ADGRE3: variants seen among roughly 807,000 people sequenced by gnomAD.
ADGRE3 encodes the protein EGF-like module receptor 3.
Under a neutral mutation model 80.1 loss-of-function variants are expected in ADGRE3, and 88 were observed. The observed-to-expected ratio is 1.10, with a 90% CI of 0.93 to 1.31. ADGRE3 has a LOEUF of 1.31. ADGRE3 is among the 40% of genes most tolerant of loss of function. ADGRE3 has a pLI of 0.00. For missense variants in ADGRE3, 715 were observed against 776.5 expected (o/e 0.92, Z 0.94); for synonymous variants, 281 against 294.8 (o/e 0.95, Z 0.48).
chr19:14,646,409 T>C (rs1971399748), intron 8 of ADGRE3, among the ~76,000 whole-genome samples: 1 of 152,302 alleles, frequency 6.6e-6, no homozygotes, highest in Non-Finnish European at 1.5e-5. Flanking sequence ...CTTTCTTCTT[T>C]TCTTTTTTTG....
rs560100566 is a variant in ADGRE3 at position 14,637,777 on chromosome 19, C to T, written c.1484+328G>A. ...CTCCTGGCCTCAAGTGATCCTCCCA[C>T]GTTGGCCTCCCAAATTGTTGGTATT... On this transcript the variant is annotated intron_variant, in intron 11 of 15. Transcript: ENST00000253673. 5.9e-5 allele frequency among the ~76,000 whole-genome samples: 9 copies of T among 152,044 alleles called. No individual in the cohort carries two copies. The South Asian group carries it at 1.2e-3, about 21-fold the overall frequency.
chr19:14,632,731 G>A (rs1222553738), intron 13 of ADGRE3, among the ~76,000 whole-genome samples, 190 bp downstream of exon 13: 2 of 147,418 alleles, frequency 1.4e-5, no homozygotes, highest in Non-Finnish European at 3.0e-5. Context: ...TTTTTTTTGA[G>A]ATTTTTTCTT....
chr19:14,617,340 CCCTT>C (rs1174085094), downstream of ADGRE3, among the ~76,000 whole-genome samples: 2 of 31,072 alleles, frequency 6.4e-5, no homozygotes, highest in African/African-American at 1.4e-4. Context: ...CTCCCTCCCT[CCCTT>C]TCTTTCTTTC....
chr19:14,617,490 T>C (rs111690269), downstream of ADGRE3, among the ~76,000 whole-genome samples: 14,917 of 150,898 alleles, frequency 0.099, 785 homozygotes, highest in African/African-American at 0.13. Context: ...CTCTGCCTCC[T>C]GGGTTCAAGT....
intron 10 of ADGRE3, 64 bp downstream of exon 10, chr19:14,641,355 C>T: frequency 1.3e-6 from 2 of 1,586,528 alleles, no homozygotes; most frequent in Non-Finnish European, 1.7e-6. Context: ...TCTAGTGCAG[C>T]ATTGCTCCAT....
intron 5 of ADGRE3, among the ~76,000 whole-genome samples, chr19:14,657,057 G>A (rs538185612): frequency 2.6e-5 from 4 of 152,118 alleles, no homozygotes; most frequent in South Asian, 2.1e-4. Flanking sequence ...CCCCATGCCC[G>A]GCTAATTTTT....
intron 8 of ADGRE3, 46 bp from the exon 9 acceptor site, chr19:14,644,321 CTTTCT>C (rs1300057243): frequency 6.9e-6 from 9 of 1,306,906 alleles, no homozygotes; most frequent in African/African-American, 6.1e-5. Flanking sequence ...GTCTTTCTTT[CTTTCT>C]TTTTTTTTTT....
chr19:14,601,139 G>A, the ADGRE3 span, among the ~76,000 whole-genome samples: 1 of 151,818 alleles, frequency 6.6e-6, no homozygotes, highest in Non-Finnish European at 1.5e-5. Context: ...CTGACTTCAG[G>A]TGATCCTCCC....
At chr19:14,605,164 C>T in the ADGRE3 span, among the ~76,000 whole-genome samples, 3 of 151,598 alleles carry the variant, frequency 2.0e-5, no homozygotes, top group Non-Finnish European at 2.9e-5. Flanking sequence ...CTGTCGCGAT[C>T]TCAGCTCACT....
intron 10 of ADGRE3, among the ~76,000 whole-genome samples, chr19:14,640,983 T>C (rs1337597380): frequency 6.6e-6 from 1 of 152,178 alleles, no homozygotes; most frequent in Non-Finnish European, 1.5e-5. Context: ...TATATCTTTA[T>C]CAGCAGCCTG....
chr19:14,617,368 T>C (rs187665959), downstream of ADGRE3, among the ~76,000 whole-genome samples: 7,033 of 122,690 alleles, frequency 0.057, 281 homozygotes, highest in Non-Finnish European at 0.078. Context: ...CTTTCTTTCT[T>C]TCTTTCTTCC....
rs147235913 is a variant in ADGRE3 at position 14,655,062 on chromosome 19, C to A, written c.497G>T (p.Arg166Leu). The A allele has an allele frequency of 1.2e-6, 2 of 1,613,926 alleles. No homozygotes were observed. Among genetic ancestry groups the A allele is most frequent in the Admixed American group, 1.7e-5 (1 of 59,990 alleles). ...EISSTATTILRDVESKVLETA... is the reference protein window; with the variant it reads ...EISSTATTILLDVESKVLETA... ...TTCTAGAACTTTCGATTCCACATCC[C>A]GGAGAATAGTGGTAGCTGTGGATGA... The change falls in exon 6 of 16, where the codon CGG becomes CTG. Residue 166 changes from arginine (R) to leucine (L), a missense_variant. By Grantham distance (102) the Arg-to-Leu change is moderately radical. Coordinates refer to ENST00000253673, the MANE Select transcript of ADGRE3 (RefSeq NM_032571.5).
chr19:14,635,398 C>A (rs190236955), intron 11 of ADGRE3, among the ~76,000 whole-genome samples: 79 of 151,530 alleles, frequency 5.2e-4, no homozygotes, highest in Admixed American at 5.3e-4. Context: ...AACCACCATG[C>A]CTGGTCTTCC....
chr19:14,608,628 A>ATTTT, the ADGRE3 span, among the ~76,000 whole-genome samples: 4 of 119,720 alleles, frequency 3.3e-5, no homozygotes, highest in Admixed American at 8.8e-5. Context: ...ATGAGGAAGA[A>ATTTT]TTTTTTTTTT....
intron 11 of ADGRE3, among the ~76,000 whole-genome samples, chr19:14,636,649 C>T (rs1373240026): frequency 6.6e-6 from 1 of 152,134 alleles, no homozygotes; most frequent in African/African-American, 2.4e-5. Flanking sequence ...ACAAGCCAAA[C>T]TTGCAGCACA....
chr19:14,654,897 T>C, intron 6 of ADGRE3, 85 bp downstream of exon 6: 1 of 1,065,258 alleles, frequency 9.4e-7, no homozygotes, highest in African/African-American at 1.6e-5. Flanking sequence ...ATGTGGTGTA[T>C]TCAATTTTTT....
chr19:14,632,716 C>CT (rs58638702), intron 13 of ADGRE3, among the ~76,000 whole-genome samples: 13,522 of 147,998 alleles, frequency 0.091, 696 homozygotes, highest in East Asian at 0.14. Flanking sequence ...CTATTTTATT[C>CT]TTTTTTTTTT....
chr19:14,613,365 G>A, the ADGRE3 span, among the ~76,000 whole-genome samples: 121 of 151,870 alleles, frequency 8.0e-4, no homozygotes, highest in African/African-American at 2.7e-3. Flanking sequence ...AGAACTACAG[G>A]TGTGCCCCCA....
At chr19:14,667,825 T>C (rs965199211) in intron 2 of ADGRE3, among the ~76,000 whole-genome samples, 7 of 152,158 alleles carry the variant, frequency 4.6e-5, no homozygotes, top group Admixed American at 6.5e-5. Context: ...ACTTAAAGTA[T>C]AATAAAAAAA....
Sources: allele counts gnomAD v4.1 joint callset (sites outside exome capture counted in the v4.1 genomes callset), GRCh38; gene constraint gnomAD v4.1.1; transcripts MANE v1.5; gene names NCBI Gene and HGNC (gene_info 2026-07-23, HGNC 2026-07-21).